MED26: variants seen among roughly 807,000 people sequenced by gnomAD.
MED26 encodes the protein mediator complex subunit 26.
Under a neutral mutation model 43.7 loss-of-function variants are expected in MED26, and 7 were observed. The observed-to-expected ratio is 0.16, with a 90% CI of 0.09 to 0.30. The LOEUF (loss-of-function observed/expected upper bound fraction) is 0.30, where lower values mean the gene tolerates loss of function less well. Ranked by LOEUF, MED26 falls within the 10% of genes least tolerant of loss-of-function variation. The pLI is 1.00. For missense variants in MED26, 784 were observed against 840.6 expected (o/e 0.93, Z 0.83); for synonymous variants, 375 against 371.1 (o/e 1.01, Z -0.12).
At position 16,576,221 on chromosome 19, in the gene MED26, G is replaced by A. The variant is rs772758171; in HGVS notation, c.1609C>T (p.Pro537Ser). ...CGGGTCAGACCAGGGAGGTCCGTGG[G>A]CGGGCTTTGAGGCACCAGCACATGC... is the stretch of plus-strand genomic sequence containing the variant. Reference protein sequence around the residue: ...QLHVLVPQSPPTDLPGLTREV... With the variant: ...QLHVLVPQSPSTDLPGLTREV... The change falls in exon 3 of 3, where the codon CCC (proline) becomes TCC (serine). Residue 537 changes from proline (P) to serine (S), a missense_variant. By Grantham distance (74) the Pro-to-Ser change is moderately conservative. Transcript: ENST00000263390. The surrounding 1 kb of genome is among the most constrained non-coding windows in gnomAD (Gnocchi z 6.8). The A allele has an allele frequency of 1.2e-6, 2 of 1,611,548 alleles. No individual in the cohort carries two copies. The highest frequency in any genetic ancestry group is 1.3e-5 in the African/African-American group (1 of 74,926).
intron 1 of MED26, among the ~76,000 whole-genome samples, chr19:16,606,933 G>T (rs1318343952): frequency 1.3e-5 from 2 of 152,252 alleles, no homozygotes; most frequent in African/African-American, 4.8e-5. Flanking sequence ...GTGTTGGTCA[G>T]TCTGGTCTCA....
At chr19:16,584,833 CAAAT>C (rs1457344685) in intron 1 of MED26, among the ~76,000 whole-genome samples, 1 of 152,222 alleles carries the variant, frequency 6.6e-6, no homozygotes, top group African/African-American at 2.4e-5. Context: ...AAATTTCTCA[CAAAT>C]AAAGATGAGA....
chr19:16,582,407 C>A (rs985410937), intron 1 of MED26, among the ~76,000 whole-genome samples: 1 of 152,246 alleles, frequency 6.6e-6, no homozygotes, highest in African/African-American at 2.4e-5. Flanking sequence ...GAAGGCTCCA[C>A]AGAGCCTCTT....
chr19:16,582,952 C>T (rs1259090072), intron 1 of MED26, among the ~76,000 whole-genome samples: 1 of 152,222 alleles, frequency 6.6e-6, no homozygotes, highest in Non-Finnish European at 1.5e-5. Context: ...CTTCTATCCC[C>T]CTTAGCGACT....
intron 1 of MED26, among the ~76,000 whole-genome samples, chr19:16,584,115 C>G (rs1220582813): frequency 1.3e-5 from 2 of 152,058 alleles, no homozygotes; most frequent in African/African-American, 4.8e-5. Context: ...TCCACGGGCG[C>G]GGTGGTGTGC....
intron 1 of MED26, among the ~76,000 whole-genome samples, chr19:16,604,653 AAGGCCACCTT>A (rs1362861936): frequency 6.6e-6 from 1 of 152,162 alleles, no homozygotes; most frequent in Non-Finnish European, 1.5e-5. Flanking sequence ...TGGGTTGCAG[AAGGCCACCTT>A]AGGCCAGGTT....
intron 1 of MED26, among the ~76,000 whole-genome samples, chr19:16,581,971 G>A (rs892030732): frequency 2.6e-5 from 4 of 152,258 alleles, no homozygotes; most frequent in African/African-American, 7.2e-5. Flanking sequence ...ACAGTCCTAC[G>A]CCGTAAACAG....
intron 1 of MED26, among the ~76,000 whole-genome samples, chr19:16,625,903 C>T (rs1157210636): frequency 6.6e-6 from 1 of 152,164 alleles, no homozygotes; most frequent in Non-Finnish European, 1.5e-5. Flanking sequence ...ATCCATCCAC[C>T]CCATGTTAGT....
At chr19:16,626,245 G>A (rs1323838198) in intron 1 of MED26, among the ~76,000 whole-genome samples, 1 of 152,082 alleles carries the variant, frequency 6.6e-6, no homozygotes, top group Non-Finnish European at 1.5e-5. Context: ...TCTCCAGAAG[G>A]AAAGCGAGTG....
intron 1 of MED26, among the ~76,000 whole-genome samples, chr19:16,625,542 G>GTT (rs11335301): frequency 1.4e-5 from 2 of 144,726 alleles, no homozygotes; most frequent in Non-Finnish European, 1.5e-5. Flanking sequence ...CACTGTCCCC[G>GTT]TTTTTTTTTT....
intron 1 of MED26, among the ~76,000 whole-genome samples, chr19:16,622,673 C>T (rs938401241): frequency 1.3e-5 from 2 of 152,198 alleles, no homozygotes; most frequent in Non-Finnish European, 2.9e-5. Flanking sequence ...AACTTGGCCA[C>T]CCATTCTGAC....
intron 1 of MED26, among the ~76,000 whole-genome samples, chr19:16,593,688 A>C (rs1360240150): frequency 6.6e-6 from 1 of 151,856 alleles, no homozygotes; most frequent in Non-Finnish European, 1.5e-5. Flanking sequence ...GTCAGCTGTC[A>C]CCTGCACTGG....
chr19:16,625,784 T>A (rs2086272066), intron 1 of MED26, among the ~76,000 whole-genome samples: 1 of 152,126 alleles, frequency 6.6e-6, no homozygotes, highest in South Asian at 2.1e-4. Flanking sequence ...CTGCATGGTG[T>A]TTGCTCAAAG....
chr19:16,609,311 CAAAAAAAAAAAAAAAAA>C (rs777358965), intron 1 of MED26, among the ~76,000 whole-genome samples: 1 of 25,070 alleles, frequency 4.0e-5, no homozygotes, highest in Non-Finnish European at 9.2e-5. Flanking sequence ...GACTCCGTCT[CAAAAAAAAAAAAAAAAA>C]AAAAAAAAAG....
intron 1 of MED26, chr19:16,611,225 T>G (rs1184457803): frequency 1.3e-5 from 2 of 152,360 alleles, no homozygotes; most frequent in African/African-American, 4.8e-5. Context: ...GGCAGAGGCA[T>G]GGACCACTCC....
rs1444913700 is a variant in MED26, at chr19:16,627,914, C to A, written c.30G>T (p.Gln10His). MTAAPASPQ[Q>H]IRDRLLQAID... ...TGGCCTGCAGCAGCCGGTCCCTGATCTGCTGCGGAGACGCCGGAGCCGCTG... is the reference window on the plus strand; with the variant it reads ...TGGCCTGCAGCAGCCGGTCCCTGATATGCTGCGGAGACGCCGGAGCCGCTG... The change falls in exon 1 of 3, where the codon CAG becomes CAT. Residue 10 changes from glutamine to histidine, a missense_variant. Coordinates refer to ENST00000263390, the MANE Select transcript of MED26 (RefSeq NM_004831.5). 6.7e-7 allele frequency: 1 copy of A among 1,499,310 alleles called. No individual in the cohort carries two copies. The highest frequency in any genetic ancestry group is 8.9e-7 in the Non-Finnish European group (1 of 1,122,924). The allele number at this position is 1,499,310 out of a possible 1,614,324, so 92.9% of individuals were successfully genotyped here.
intron 1 of MED26, among the ~76,000 whole-genome samples, chr19:16,595,903 A>T (rs1222221105): frequency 6.6e-6 from 1 of 152,222 alleles, no homozygotes; most frequent in Non-Finnish European, 1.5e-5. Context: ...AACATCTTCA[A>T]ACATGCTTCC....
intron 1 of MED26, among the ~76,000 whole-genome samples, chr19:16,596,668 C>T (rs2086121219): frequency 6.6e-6 from 1 of 152,142 alleles, no homozygotes; most frequent in African/African-American, 2.4e-5. Context: ...GGGCAGGATG[C>T]GGGGTTGAAG....
Position 16,620,511 on chromosome 19 carries a change from T to C in MED26, c.72+7361A>G, listed in dbSNP as rs192223112. On this transcript the variant is annotated intron_variant, in intron 1 of 2. Transcript: ENST00000263390. ...CTGTTTACAGTGAGAGCACCAAGCA[T>C]TTGGGCACCCACGTGCTGTGGCAGT... is the stretch of plus-strand genomic sequence containing the variant. 9.5e-4 allele frequency among the ~76,000 whole-genome samples: 145 copies of C among 152,350 alleles called. 1 individual carries two copies. The highest frequency in any genetic ancestry group is 1.6e-3 in the Non-Finnish European group (108 of 68,034).
Sources: gnomAD v4.1 joint callset for allele counts (sites outside exome capture counted in the v4.1 genomes callset) on GRCh38, gnomAD v4.1.1 for gene constraint, Gnocchi (gnomAD v3.1) non-coding constraint, MANE v1.5 for transcripts, NCBI Gene and HGNC (gene_info 2026-07-23, HGNC 2026-07-21) for gene names.